PLOD1: variants seen among roughly 807,000 people sequenced by gnomAD.
The protein encoded by PLOD1 is lysine hydroxylase.
A neutral mutation model predicts 94.7 loss-of-function variants in PLOD1; 70 were observed. The ratio of observed to expected loss-of-function variants is 0.74; its 90% confidence interval spans 0.61 to 0.90. The LOEUF (loss-of-function observed/expected upper bound fraction) is 0.90, where lower values mean the gene tolerates loss of function less well. Among genes scored for constraint, PLOD1 ranks in the 40% least tolerant of loss-of-function variants. The pLI is 0.00. For synonymous variants in PLOD1, 417 were observed against 400.2 expected, an observed-to-expected ratio of 1.04 and a Z score of -0.50; for missense variants, 905 against 972.7, an observed-to-expected ratio of 0.93 and a Z score of 0.93.
At position 11,959,991 on chromosome 1, in the gene PLOD1, G is replaced by A. The variant is rs140411948; in HGVS notation, c.976-655G>A. 4.4e-3 allele frequency among the ~76,000 whole-genome samples: 647 copies of A among 147,044 alleles called. 7 individuals are homozygous for A. The highest frequency in any genetic ancestry group is 0.016 in the African/African-American group (623 of 39,442). On this transcript the variant is annotated intron_variant, in intron 9 of 18. Transcript: ENST00000196061. ...GTCTCCCAGGCTAGAGTGCAATGGTGCGATCTTGGCTCACTGCAACCTCCG... is the reference window on the plus strand; with the variant it reads ...GTCTCCCAGGCTAGAGTGCAATGGTACGATCTTGGCTCACTGCAACCTCCG...
chr1:11,946,695 T>A (rs1645656904), intron 1 of PLOD1, among the ~76,000 whole-genome samples: 1 of 152,212 alleles, frequency 6.6e-6, no homozygotes, highest in African/African-American at 2.4e-5. Flanking sequence ...AGAAACTCAG[T>A]CCTATAATGT....
Position 11,966,112 on chromosome 1 carries a change from A to T in PLOD1, c.1585-139A>T, listed in dbSNP as rs1330192203. 4.2e-6 allele frequency: 3 copies of T among 717,124 alleles called. No homozygotes were observed. In the African/African-American group the frequency reaches 5.2e-5, roughly 13 times the overall value. The allele number at this position is 717,124 out of a possible 1,614,324, so 44.4% of individuals were successfully genotyped here. A position where few individuals can be genotyped will look rare whatever the true frequency, so the allele number is the denominator to read the frequency against. ...ACACCTGTGCACCCAGACAACACACACGCACCCAGTGGGTGCAGGTGAACA... is the reference window on the plus strand; with the variant it reads ...ACACCTGTGCACCCAGACAACACACTCGCACCCAGTGGGTGCAGGTGAACA... On this transcript the variant is annotated intron_variant, in intron 14 of 18. Transcript: ENST00000196061.
chr1:11,948,056 T>A lies in PLOD1; in HGVS notation c.157T>A (p.Tyr53Asn). Residue 53 changes from tyrosine (Y) to asparagine (N), a missense_variant, in exon 2 of 19, where the codon TAC becomes AAC. By Grantham distance (143) the Tyr-to-Asn change is moderately radical. Coordinates refer to ENST00000196061, the MANE Select transcript of PLOD1 (RefSeq NM_000302.4). ...CAAGCGCTCAGCTCAGTTCTTCAAC[T>A]ACAAGATCCAGGTAAGGGGTTTCCT... Reference protein sequence around the residue: ...RFKRSAQFFNYKIQALGLGED... With the variant: ...RFKRSAQFFNNKIQALGLGED... 1 of 1,612,326 alleles carries A rather than the reference T, an allele frequency of 6.2e-7. No individual in the cohort carries two copies. Among genetic ancestry groups the A allele is most frequent in the Non-Finnish European group, 8.5e-7 (1 of 1,178,380 alleles).
rs768307244 is a variant in PLOD1, at chr1:11,947,960, C to T, written c.77-16C>T. ...CATCCTCCATTCCCATTCACCATAC[C>T]CTCCTCTGTCTGCAGACAACCTTTT... is the stretch of plus-strand genomic sequence containing the variant. On this transcript the variant is annotated splice_polypyrimidine_tract_variant and intron_variant, in intron 1 of 18. Transcript: ENST00000196061. 1.0e-5 allele frequency: 16 copies of T among 1,555,462 alleles called. No homozygotes were observed. The highest frequency in any genetic ancestry group is 1.4e-5 in the African/African-American group (1 of 73,860).
intron 11 of PLOD1, 37 bp from the exon 12 acceptor site, chr1:11,964,138 G>A: frequency 6.2e-7 from 1 of 1,611,420 alleles, no homozygotes; most frequent in South Asian, 1.1e-5. Flanking sequence ...ACTCCCAGTG[G>A]GCAGCGACCT....
chr1:11,950,619 C>T (rs1250859719), intron 4 of PLOD1, 99 bp downstream of exon 4: 3 of 1,042,112 alleles, frequency 2.9e-6, no homozygotes, highest in Non-Finnish European at 4.4e-6. Context: ...GGGTGTCTCA[C>T]AGGTCTCCAG....
chr1:11,948,036 G>A lies in PLOD1; in HGVS notation c.137G>A (p.Arg46His), dbSNP rs142710681. ...ACCGAGGGATTCCGTCGCTTCAAGC[G>A]CTCAGCTCAGTTCTTCAACTACAAG... ...KETEGFRRFK[R>H]SAQFFNYKIQ... Residue 46 changes from arginine (R) to histidine (H), a missense_variant, in exon 2 of 19, where the codon CGC (arginine) becomes CAC (histidine). By Grantham distance (29) the Arg-to-His change is conservative (BLOSUM62 0). Coordinates refer to ENST00000196061, the MANE Select transcript of PLOD1 (RefSeq NM_000302.4). 301 of 1,613,714 alleles carry A rather than the reference G, an allele frequency of 1.9e-4. 1 individual carries two copies. In the African/African-American group the frequency reaches 2.9e-3, roughly 16 times the overall value.
At chr1:11,962,268 TG>T (rs370434573) in intron 10 of PLOD1, among the ~76,000 whole-genome samples, 8,796 of 130,022 alleles carry the variant, frequency 0.068, 344 homozygotes, top group Non-Finnish European at 0.08. Context: ...TTTTGATTTT[TG>T]TTTTCTTTTT....
intron 1 of PLOD1, among the ~76,000 whole-genome samples, chr1:11,936,756 C>T (rs1645581873): frequency 6.6e-6 from 1 of 152,058 alleles, no homozygotes; most frequent in South Asian, 2.1e-4. Context: ...CTCCTGACCT[C>T]AAGTGATCCT....
intron 1 of PLOD1, among the ~76,000 whole-genome samples, chr1:11,944,982 C>T (rs1402350659): frequency 1.3e-5 from 2 of 152,230 alleles, no homozygotes; most frequent in Non-Finnish European, 2.9e-5. Context: ...AAGACTCACC[C>T]AGGGAAACAA....
intron 6 of PLOD1, 122 bp downstream of exon 6, chr1:11,955,015 A>C: frequency 1.3e-6 from 1 of 759,122 alleles, no homozygotes; most frequent in Non-Finnish European, 2.3e-6. Context: ...CTGAGAGGTC[A>C]CTGGCCTCAT....
At chr1:11,954,976 A>C in intron 6 of PLOD1, 83 bp downstream of exon 6, 1 of 1,083,044 alleles carries the variant, frequency 9.2e-7, no homozygotes, top group Admixed American at 1.7e-5. Context: ...CAGGGAGGAG[A>C]AATGGGCTGC....
chr1:11,940,830 C>G (rs1645610204), intron 1 of PLOD1, among the ~76,000 whole-genome samples: 1 of 152,224 alleles, frequency 6.6e-6, no homozygotes, highest in Non-Finnish European at 1.5e-5. Context: ...TTTCTCTGGC[C>G]TGGCCTAACA....
In PLOD1 at chr1:11,960,741, G is replaced by A. The variant is rs374036329; in HGVS notation, c.1071G>A (p.Ala357=). The change falls in exon 10 of 19, where the codon GCG becomes GCA. Residue 357 remains alanine, a synonymous_variant. Coordinates refer to ENST00000196061, the MANE Select transcript of PLOD1 (RefSeq NM_000302.4). The part of the protein sequence containing the change: ...VKLVGPEVRM[A]NADARNMGAD... ...TGGTGGGCCCTGAGGTGCGGATGGC[G>A]AATGCAGATGCCAGGAACATGGGCG... The A allele has an allele frequency of 1.6e-5, 26 of 1,613,258 alleles. No individual in the cohort carries two copies. The highest frequency in any genetic ancestry group is 9.3e-5 in the African/African-American group (7 of 74,910).
chr1:11,972,867 T>C lies in PLOD1; in HGVS notation c.1903-5T>C. On this transcript the variant is annotated splice_polypyrimidine_tract_variant and splice_region_variant and intron_variant, in intron 17 of 18. Transcript: ENST00000196061. This position sits in a 1 kb window ranked among gnomAD's most constrained non-coding sequence, Gnocchi z 4.6. ...GGGCTCTCTTGTCCCCCTGCCTTGGTACAGGCCCAGTTTGACCTGGCCTTT... is the reference window on the plus strand; with the variant it reads ...GGGCTCTCTTGTCCCCCTGCCTTGGCACAGGCCCAGTTTGACCTGGCCTTT... 5 of 1,613,994 alleles carry C rather than the reference T, an allele frequency of 3.1e-6. No individual in the cohort carries two copies. The highest frequency in any genetic ancestry group is 4.2e-6 in the Non-Finnish European group (5 of 1,179,914).
intron 1 of PLOD1, among the ~76,000 whole-genome samples, chr1:11,946,987 T>C (rs1645659448): frequency 6.6e-6 from 1 of 152,032 alleles, no homozygotes; most frequent in African/African-American, 2.4e-5. Flanking sequence ...ACCAGCTCTC[T>C]GCTGGGCACG....
chr1:11,950,004 C>A, intron 3 of PLOD1, 98 bp downstream of exon 3: 2 of 1,265,144 alleles, frequency 1.6e-6, no homozygotes, highest in Non-Finnish European at 2.3e-6. Context: ...AGAAGGGGGA[C>A]CACTCTAGCT....
intron 1 of PLOD1, among the ~76,000 whole-genome samples, chr1:11,942,171 C>A (rs545517709): frequency 2.0e-5 from 3 of 151,890 alleles, no homozygotes; most frequent in Non-Finnish European, 2.9e-5. Flanking sequence ...TTAGTAGAGA[C>A]GGGGTTTCAC....
At chr1:11,961,138 C>T (rs577293509) in intron 10 of PLOD1, among the ~76,000 whole-genome samples, 1 of 152,114 alleles carries the variant, frequency 6.6e-6, no homozygotes, top group Admixed American at 6.5e-5. Context: ...AATCCCTGCA[C>T]TTTGAGAGGC....
Sources: allele counts gnomAD v4.1 joint callset (sites outside exome capture counted in the v4.1 genomes callset), GRCh38; gene constraint gnomAD v4.1.1; non-coding constraint Gnocchi (gnomAD v3.1); transcripts MANE v1.5; gene names NCBI Gene and HGNC (gene_info 2026-07-23, HGNC 2026-07-21).